The following CORO7 variants were observed in gnomAD, a reference collection of about 807,000 sequenced individuals.
CORO7 encodes the protein coronin 7.
Under a neutral mutation model 126.6 loss-of-function variants are expected in CORO7, and 107 were observed. The ratio of observed to expected loss-of-function variants is 0.85; its 90% CI spans 0.72 to 0.99. CORO7 has a LOEUF of 0.99. Among genes scored for constraint, CORO7 ranks in the 50% least tolerant of loss-of-function variants. The probability of loss-of-function intolerance (pLI) is 0.00; values close to 1 mark genes in which losing one functional copy is unlikely to be tolerated. For synonymous variants in CORO7, 603 were observed against 536.8 expected, an observed-to-expected ratio of 1.12 and a Z score of -1.70; for missense variants, 1,314 against 1,255.8, an observed-to-expected ratio of 1.05 and a Z score of -0.70.
At chr16:4,378,940 T>TG (rs758864399) in intron 9 of CORO7, among the ~76,000 whole-genome samples, 48 of 152,186 alleles carry the variant, frequency 3.2e-4, no homozygotes, top group Non-Finnish European at 5.2e-4. Flanking sequence ...ATACTACACG[T>TG]GGGCAGGGCC....
intron 3 of CORO7, 42 bp from the exon 4 acceptor site, chr16:4,408,293 T>G: frequency 6.2e-7 from 1 of 1,613,968 alleles, no homozygotes; most frequent in Non-Finnish European, 8.5e-7. Flanking sequence ...ATGTCCTGTT[T>G]CCAACCCAGT....
chr16:4,368,147 G>A (rs1256552999), intron 9 of CORO7, among the ~76,000 whole-genome samples: 1 of 152,074 alleles, frequency 6.6e-6, no homozygotes, highest in Non-Finnish European at 1.5e-5. Context: ...AGCAGTTTGA[G>A]ACCAGCCAGG....
chr16:4,413,568 C>G, intron 1 of CORO7, 164 bp from the exon 2 acceptor site: 1 of 607,008 alleles, frequency 1.6e-6, no homozygotes, highest in Non-Finnish European at 2.8e-6. Flanking sequence ...GACAGGGTCT[C>G]ACTCTGTCAC....
chr16:4,395,783 A>G (rs1212877081), intron 6 of CORO7, among the ~76,000 whole-genome samples: 1 of 152,242 alleles, frequency 6.6e-6, no homozygotes, highest in Non-Finnish European at 1.5e-5. Flanking sequence ...GGAGAGGCTC[A>G]TATGACGACC....
intron 1 of CORO7, 140 bp downstream of exon 1, chr16:4,416,319 G>A: frequency 8.1e-7 from 1 of 1,231,936 alleles, no homozygotes; most frequent in Non-Finnish European, 1.1e-6. Context: ...CGGGGCCCTG[G>A]CCTGAAGGGG....
intron 10 of CORO7, 40 bp from the exon 11 acceptor site, chr16:4,365,100 C>A (rs934101787): frequency 3.8e-5 from 60 of 1,566,570 alleles, no homozygotes; most frequent in Non-Finnish European, 5.0e-5. Flanking sequence ...GCTGACTGAA[C>A]CCCTGGGGAG....
rs148977654 is a variant in CORO7, at chr16:4,375,826, C to G, written c.786-10281G>C. On this transcript the variant is annotated intron_variant, in intron 9 of 27. Coordinates refer to ENST00000251166, the MANE Select transcript of CORO7 (RefSeq NM_024535.5). The stretch of plus-strand genomic sequence containing the variant: ...AATTGGCCTGGGGGTGGGGCCCCAG[C>G]ATGGAGGTTTTTTTTAGAAAGCTTC... Among the ~76,000 whole-genome samples, 933 of 152,300 alleles carry G rather than the reference C, an allele frequency of 6.1e-3. 11 individuals are homozygous for G. The highest frequency in any genetic ancestry group is 0.021 in the African/African-American group (881 of 41,572).
At chr16:4,355,488 G>A (rs974710772) in intron 26 of CORO7, 116 bp from the exon 27 acceptor site, 13 of 1,128,700 alleles carry the variant, frequency 1.2e-5, no homozygotes, top group South Asian at 7.5e-5. Context: ...TTTTTTAGAC[G>A]GAGTCTTGCT....
intron 6 of CORO7, among the ~76,000 whole-genome samples, chr16:4,395,554 T>C (rs2055553176): frequency 1.3e-5 from 2 of 151,982 alleles, no homozygotes; most frequent in African/African-American, 4.8e-5. Flanking sequence ...CTGTGAGGAG[T>C]GTTCAGCTGC....
Position 4,395,247 on chromosome 16 carries a change from A to G in CORO7, c.615+42T>C, listed in dbSNP as rs766316036. 2.5e-6 allele frequency: 4 copies of G among 1,613,556 alleles called. No homozygotes were observed. The South Asian group carries it at 4.4e-5, about 18-fold the overall frequency. On this transcript the variant is annotated intron_variant, in intron 7 of 27. Coordinates refer to ENST00000251166, the MANE Select transcript of CORO7 (RefSeq NM_024535.5). ...CTAGAACCACTGGGTCCTCAGCCTCAGTGGAGGCTTCAACCCACCCCAGCT... is the reference window on the plus strand; with the variant it reads ...CTAGAACCACTGGGTCCTCAGCCTCGGTGGAGGCTTCAACCCACCCCAGCT...
In CORO7 at chr16:4,364,324, T is replaced by G; in HGVS notation, c.1227A>C (p.Thr409=). Residue 409 remains threonine (T), a synonymous_variant, in exon 14 of 28, where the codon ACA becomes ACC. Transcript: ENST00000251166. The part of the protein sequence containing the change: ...LVPPAEPLPD[T]AQPAVMETPV... ...GTGTCTCCATCACCGCAGGCTGGGC[T>G]GTGTCAGGGAGGGGCTCCGCAGGGG... 1.3e-6 allele frequency: 2 copies of G among 1,541,846 alleles called. No individual in the cohort carries two copies. Among genetic ancestry groups the G allele is most frequent in the Non-Finnish European group, 1.7e-6 (2 of 1,148,392 alleles).
At chr16:4,365,374 T>A in intron 10 of CORO7, 117 bp downstream of exon 10, 1 of 1,439,534 alleles carries the variant, frequency 6.9e-7, no homozygotes, top group Non-Finnish European at 9.4e-7. Flanking sequence ...TACAGTCACC[T>A]TGGCTGCACA....
Position 4,358,404 on chromosome 16 carries a change from G to A in CORO7, c.2420C>T (p.Ser807Phe), listed in dbSNP as rs773558780. Residue 807 changes from serine to phenylalanine, a missense_variant, in exon 24 of 28, where the codon TCC (serine) becomes TTC (phenylalanine). Ser to Phe is a radical substitution (Grantham distance 155). Transcript: ENST00000251166. Reference sequence around the variant, plus strand: ...CAGCCGGAAGGCCACAGGCTCCAGGGAGGACTGACGCAGCCGCAGGCACCG... The same window carrying A: ...CAGCCGGAAGGCCACAGGCTCCAGGAAGGACTGACGCAGCCGCAGGCACCG... ...LMRCLRLRQS[S>F]LEPVAFRLPR... 1.2e-6 allele frequency: 2 copies of A among 1,612,626 alleles called. No homozygotes were observed. The highest frequency in any genetic ancestry group is 3.3e-5 in the Admixed American group (2 of 59,984).
At chr16:4,385,759 T>C (rs983046721) in intron 9 of CORO7, among the ~76,000 whole-genome samples, 4 of 152,180 alleles carry the variant, frequency 2.6e-5, no homozygotes, top group South Asian at 4.1e-4. Context: ...GGGAAGGGCA[T>C]AGGTGGGACC....
chr16:4,411,084 A>G (rs893835912), intron 3 of CORO7, among the ~76,000 whole-genome samples: 2 of 152,220 alleles, frequency 1.3e-5, no homozygotes, highest in Non-Finnish European at 1.5e-5. Flanking sequence ...TGACTCGGTC[A>G]CTTTAATAAG....
At chr16:4,389,122 C>T (rs562534438) in intron 7 of CORO7, among the ~76,000 whole-genome samples, 2 of 152,320 alleles carry the variant, frequency 1.3e-5, no homozygotes, top group East Asian at 1.9e-4. Flanking sequence ...GGCAAAGCAC[C>T]GTGTAAACTG....
chr16:4,394,724 G>C (rs1481972717), intron 7 of CORO7, among the ~76,000 whole-genome samples: 1 of 152,252 alleles, frequency 6.6e-6, no homozygotes, highest in Non-Finnish European at 1.5e-5. Flanking sequence ...CAGGGTTGTT[G>C]CTCCTGCCTA....
In CORO7 at chr16:4,361,090, AG is replaced by A. The variant is rs1212217919; in HGVS notation, c.1775-6del. ...AGCAGATCTTCTCCGTGTGGCCTGG[AG>A]GAAGGCAGGGGTGATCAGGAGCCCT... On this transcript the variant is annotated splice_polypyrimidine_tract_variant and splice_region_variant and intron_variant, in intron 18 of 27. Transcript: ENST00000251166. 4 of 1,613,396 alleles carry A rather than the reference AG, an allele frequency of 2.5e-6. No individual in the cohort carries two copies. The highest frequency in any genetic ancestry group is 3.4e-6 in the Non-Finnish European group (4 of 1,179,992).
At position 4,388,548 on chromosome 16, in the gene CORO7, G is replaced by C. The variant is rs544353618; in HGVS notation, c.699C>G (p.Asn233Lys). The C allele has an allele frequency of 6.2e-7, 1 of 1,612,216 alleles. No individual in the cohort carries two copies. Among genetic ancestry groups the C allele is most frequent in the Admixed American group, 1.7e-5 (1 of 59,894 alleles). The part of the protein sequence containing the change: ...TWEHLVSTGF[N>K]QMREREVKLW... ...TCCTCCAGGAGGAACCCCCTACCTG[G>C]TTGAATCCAGTAGACACAAGGTGCT... Residue 233 changes from asparagine (N) to lysine (K), a missense_variant, in exon 8 of 28, where the codon AAC becomes AAG. Coordinates refer to ENST00000251166, the MANE Select transcript of CORO7 (RefSeq NM_024535.5).
Sources: gnomAD v4.1 joint callset for allele counts (sites outside exome capture counted in the v4.1 genomes callset) on GRCh38, gnomAD v4.1.1 for gene constraint, MANE v1.5 for transcripts, NCBI Gene and HGNC (gene_info 2026-07-23, HGNC 2026-07-21) for gene names.